PTPRT: variants seen among roughly 807,000 people sequenced by gnomAD.
PTPRT encodes the protein protein tyrosine phosphatase receptor type T.
A neutral mutation model predicts 176.8 loss-of-function variants in PTPRT; 56 were observed. That is an observed-to-expected ratio of 0.32 (90% CI 0.26 to 0.40). The LOEUF is 0.40. Ranked by LOEUF, PTPRT falls within the 10% of genes least tolerant of loss-of-function variation. The pLI is 1.00. For missense variants in PTPRT, 1,540 were observed against 1,908.2 expected (o/e 0.81, Z 3.60); for synonymous variants, 783 against 739.0 (o/e 1.06, Z -0.96).
chr20:42,061,337 T>G, the PTPRT span, among the ~76,000 whole-genome samples: 6 of 152,192 alleles, frequency 3.9e-5, no homozygotes, highest in African/African-American at 1.4e-4. Flanking sequence ...ATTAGTCACA[T>G]GGGCCCAATA....
At chr20:42,947,159 G>A (rs760411202) in intron 1 of PTPRT, among the ~76,000 whole-genome samples, 12 of 152,114 alleles carry the variant, frequency 7.9e-5, no homozygotes, top group Admixed American at 2.0e-4. Flanking sequence ...CCCTGTGCCC[G>A]TACTACCTGC....
chr20:43,141,297 C>A (rs2013994972), intron 1 of PTPRT, among the ~76,000 whole-genome samples: 1 of 152,184 alleles, frequency 6.6e-6, no homozygotes. Flanking sequence ...CCCAGTCGGG[C>A]AGCTCTTCTG....
intron 16 of PTPRT, among the ~76,000 whole-genome samples, chr20:42,183,024 TA>T (rs1251128096): frequency 6.6e-6 from 1 of 151,992 alleles, no homozygotes; most frequent in Non-Finnish European, 1.5e-5. Context: ...AATACTTACT[TA>T]AAGCTTTATC....
intron 7 of PTPRT, among the ~76,000 whole-genome samples, chr20:42,550,836 T>G (rs900211742): frequency 2.6e-5 from 4 of 152,102 alleles, no homozygotes; most frequent in African/African-American, 9.7e-5. Flanking sequence ...ATACACTTGG[T>G]TTTGAAAGCA....
intron 6 of PTPRT, among the ~76,000 whole-genome samples, chr20:42,728,575 C>G (rs2076413896): frequency 6.6e-6 from 1 of 152,152 alleles, no homozygotes; most frequent in South Asian, 2.1e-4. Context: ...TTCCACCAAG[C>G]ACACATATAC....
intron 4 of PTPRT, among the ~76,000 whole-genome samples, chr20:42,774,793 C>T (rs1600723431): frequency 1.3e-5 from 2 of 152,210 alleles, no homozygotes; most frequent in South Asian, 2.1e-4. Flanking sequence ...TTGCTCAAGA[C>T]CCTTGTCTCT....
At chr20:42,416,573 T>C (rs1470407131) in intron 9 of PTPRT, among the ~76,000 whole-genome samples, 3 of 152,178 alleles carry the variant, frequency 2.0e-5, no homozygotes, top group African/African-American at 4.8e-5. Flanking sequence ...CTAAGTTAAA[T>C]AGAAGAAATT....
chr20:42,145,496 T>TGATA (rs1232714845), intron 17 of PTPRT, among the ~76,000 whole-genome samples: 1 of 85,858 alleles, frequency 1.2e-5, no homozygotes, highest in African/African-American at 4.8e-5. Flanking sequence ...AGACTTTGTC[T>TGATA]CATAGATAGA....
chr20:43,037,634 A>G (rs1250869780), intron 1 of PTPRT, among the ~76,000 whole-genome samples: 2 of 152,222 alleles, frequency 1.3e-5, no homozygotes, highest in African/African-American at 2.4e-5. Context: ...TGAAAGTGAA[A>G]AAGTTCTGAA....
chr20:42,359,723 T>C (rs899726397), intron 9 of PTPRT, among the ~76,000 whole-genome samples: 4 of 152,212 alleles, frequency 2.6e-5, no homozygotes, highest in Admixed American at 6.5e-5. Context: ...CAGGCTTCCC[T>C]GCTTTCCAAA....
chr20:42,365,479 C>G (rs551070526), intron 9 of PTPRT, among the ~76,000 whole-genome samples: 13 of 151,874 alleles, frequency 8.6e-5, no homozygotes, highest in Non-Finnish European at 1.6e-4. Flanking sequence ...CCCCACCCTA[C>G]CCCCACCACT....
At chr20:42,526,923 C>T (rs941308401) in intron 7 of PTPRT, among the ~76,000 whole-genome samples, 1 of 149,330 alleles carries the variant, frequency 6.7e-6, no homozygotes, top group Non-Finnish European at 1.5e-5. Flanking sequence ...TCTACTCTAC[C>T]GTTCTAAGAG....
chr20:42,561,466 G>C (rs1209080664), intron 7 of PTPRT, among the ~76,000 whole-genome samples: 5 of 152,158 alleles, frequency 3.3e-5, no homozygotes, highest in Non-Finnish European at 7.4e-5. Flanking sequence ...GCAAGCCTTG[G>C]GGACATCTTA....
intron 1 of PTPRT, among the ~76,000 whole-genome samples, chr20:42,986,198 T>G (rs1983566582): frequency 1.3e-5 from 2 of 152,218 alleles, no homozygotes; most frequent in South Asian, 4.1e-4. Flanking sequence ...ACTACCTTCC[T>G]AAGGCCACAG....
At chr20:43,031,386 CA>C (rs1251516365) in intron 1 of PTPRT, among the ~76,000 whole-genome samples, 3 of 152,170 alleles carry the variant, frequency 2.0e-5, no homozygotes, top group African/African-American at 7.2e-5. Flanking sequence ...AGCAACAAGG[CA>C]ACATCTTTGA....
chr20:42,115,423 C>A (rs1011582266), intron 21 of PTPRT, 108 bp from the exon 22 acceptor site: 20 of 850,804 alleles, frequency 2.4e-5, no homozygotes, highest in Non-Finnish European at 3.7e-5. Context: ...TCCAAATAAA[C>A]CCAAGGGTGA....
intron 1 of PTPRT, among the ~76,000 whole-genome samples, chr20:43,064,001 T>C (rs1248566227): frequency 6.6e-6 from 1 of 151,972 alleles, no homozygotes; most frequent in Non-Finnish European, 1.5e-5. Flanking sequence ...TATTTACCCG[T>C]GGACTTTCCA....
At chr20:42,664,584 T>C (rs2075281088) in intron 7 of PTPRT, among the ~76,000 whole-genome samples, 1 of 152,228 alleles carries the variant, frequency 6.6e-6, no homozygotes, top group Admixed American at 6.5e-5. Context: ...TATCTTACCA[T>C]GTACAATTTA....
intron 1 of PTPRT, among the ~76,000 whole-genome samples, chr20:42,923,277 A>T (rs1979274772): frequency 6.6e-6 from 1 of 152,236 alleles, no homozygotes; most frequent in Non-Finnish European, 1.5e-5. Context: ...CAATGAACCA[A>T]AGAACACAAA....
Sources: allele counts gnomAD v4.1 joint callset (sites outside exome capture counted in the v4.1 genomes callset), GRCh38; gene constraint gnomAD v4.1.1; transcripts MANE v1.5; gene names NCBI Gene and HGNC (gene_info 2026-07-23, HGNC 2026-07-21).